The following TET1 variants were observed in gnomAD, a reference collection of about 807,000 sequenced individuals.
TET1 encodes methylcytosine dioxygenase TET1.
In TET1, 13 loss-of-function variants were observed where a neutral mutation model predicts 148.7. The observed-to-expected ratio is 0.09, with a 90% confidence interval of 0.06 to 0.14. TET1 has a LOEUF of 0.14. Ranked by LOEUF, TET1 falls within the 10% of genes least tolerant of loss-of-function variation. The pLI, the probability that TET1 is intolerant of heterozygous loss-of-function variation, is 1.00. For synonymous variants in TET1, 907 were observed against 937.2 expected (o/e 0.97, Z 0.59); for missense variants, 2,182 against 2,553.8 (o/e 0.85, Z 3.14).
chr10:68,646,431 A>G lies in TET1; in HGVS notation c.3702A>G (p.Thr1234=). 2 of 1,614,226 alleles carry G rather than the reference A, an allele frequency of 1.2e-6. No individual in the cohort carries two copies. Among genetic ancestry groups the G allele is most frequent in the Non-Finnish European group, 1.7e-6 (2 of 1,180,050 alleles). Reference sequence around the variant, plus strand: ...CGAGGTCCATTATGCAACCCAAAACAGTATTTCCACCACTCACTCAGATAA... The same window carrying G: ...CGAGGTCCATTATGCAACCCAAAACGGTATTTCCACCACTCACTCAGATAA... ...AQTRSIMQPK[T]VFPPLTQIKL... is the part of the protein sequence containing the mutation. Residue 1234 remains threonine, a synonymous_variant, in exon 4 of 12, where the codon ACA becomes ACG. Transcript: ENST00000373644.
At chr10:68,663,412 A>G (rs2055150170) in intron 6 of TET1, among the ~76,000 whole-genome samples, 1 of 152,154 alleles carries the variant, frequency 6.6e-6, no homozygotes, top group South Asian at 2.1e-4. Flanking sequence ...CCAAACTTCT[A>G]TCTGGTTATT....
At chr10:68,588,628 T>G (rs1232532863) in intron 2 of TET1, among the ~76,000 whole-genome samples, 2 of 152,158 alleles carry the variant, frequency 1.3e-5, no homozygotes, top group Non-Finnish European at 2.9e-5. Flanking sequence ...ACTTGTTAAA[T>G]TTGGAGAGAT....
chr10:68,566,576 A>G lies in TET1; in HGVS notation c.-122-5641A>G, dbSNP rs182913942. 1.6e-3 allele frequency among the ~76,000 whole-genome samples: 240 copies of G among 151,934 alleles called. 1 individual carries two copies. Among genetic ancestry groups the G allele is most frequent in the African/African-American group, 5.5e-3 (227 of 41,438 alleles). ...ATTCTCTGGCCTAGTGTTTGTATTTAGTACAGATTTATCAAAATGTTATTT... is the reference window on the plus strand; with the variant it reads ...ATTCTCTGGCCTAGTGTTTGTATTTGGTACAGATTTATCAAAATGTTATTT... On this transcript the variant is annotated intron_variant, in intron 1 of 11. Coordinates refer to ENST00000373644, the MANE Select transcript of TET1 (RefSeq NM_030625.3).
chr10:68,565,999 C>G (rs1330720616), intron 1 of TET1, among the ~76,000 whole-genome samples: 1 of 152,126 alleles, frequency 6.6e-6, no homozygotes. Context: ...ATTTCCTTGA[C>G]AGGCTGTTTT....
At chr10:68,567,955 C>T (rs1277939084) in intron 1 of TET1, among the ~76,000 whole-genome samples, 5 of 151,192 alleles carry the variant, frequency 3.3e-5, no homozygotes, top group Non-Finnish European at 5.9e-5. Context: ...CTTGGCTCAC[C>T]GCAACTTCTG....
At chr10:68,620,658 G>A (rs757460077) in intron 3 of TET1, among the ~76,000 whole-genome samples, 22 of 152,062 alleles carry the variant, frequency 1.4e-4, no homozygotes, top group Non-Finnish European at 2.6e-4. Context: ...TTTTTGTGTG[G>A]ACATGTTTTC....
At chr10:68,628,541 A>G (rs2133013639) in intron 3 of TET1, among the ~76,000 whole-genome samples, 1 of 152,360 alleles carries the variant, frequency 6.6e-6, no homozygotes, top group South Asian at 2.1e-4. Flanking sequence ...TAGCATTGCA[A>G]TCAAATCAGT....
intron 1 of TET1, among the ~76,000 whole-genome samples, chr10:68,566,048 T>G (rs2053604575): frequency 6.6e-6 from 1 of 152,236 alleles, no homozygotes; most frequent in Non-Finnish European, 1.5e-5. Context: ...TTATCTTAAT[T>G]ACAAGTCTGA....
At chr10:68,615,804 C>T (rs888540691) in intron 3 of TET1, among the ~76,000 whole-genome samples, 2 of 151,842 alleles carry the variant, frequency 1.3e-5, no homozygotes, top group Non-Finnish European at 2.9e-5. Context: ...ACTACGCCTA[C>T]GCCCGGCTAA....
intron 2 of TET1, among the ~76,000 whole-genome samples, chr10:68,591,985 T>G (rs1159938758): frequency 1.3e-5 from 2 of 152,094 alleles, no homozygotes; most frequent in African/African-American, 2.4e-5. Context: ...TTTCTCTGAT[T>G]AGGAGACTTA....
chr10:68,672,807 T>C (rs2055293884), intron 7 of TET1, 88 bp from the exon 8 acceptor site: 2 of 1,131,288 alleles, frequency 1.8e-6, no homozygotes, highest in African/African-American at 3.1e-5. Flanking sequence ...TAGGCATCCA[T>C]CCTTCTAAAG....
At position 68,655,651 on chromosome 10, in the gene TET1, G is replaced by C. The variant is rs530344796; in HGVS notation, c.4461+3057G>C. ...GTGATATAAAGAATTGTAGTGTATA[G>C]TTTTTTTGTTTTTGTTTTTGTTTTC... On this transcript the variant is annotated intron_variant, in intron 6 of 11. Transcript: ENST00000373644. Among the ~76,000 whole-genome samples the C allele has an allele frequency of 5.3e-5, 8 of 152,214 alleles. 1 individual carries two copies. The South Asian group carries it at 1.7e-3, about 32-fold the overall frequency.
At chr10:68,638,502 G>A (rs1393960366) in intron 3 of TET1, among the ~76,000 whole-genome samples, 2 of 152,128 alleles carry the variant, frequency 1.3e-5, no homozygotes, top group African/African-American at 4.8e-5. Flanking sequence ...CAAATGGTAT[G>A]TCCGTGGTAT....
chr10:68,613,391 G>A (rs2054245098), intron 3 of TET1, among the ~76,000 whole-genome samples: 1 of 152,184 alleles, frequency 6.6e-6, no homozygotes, highest in Non-Finnish European at 1.5e-5. Context: ...GTTTCAGGTA[G>A]GTTGTCCAAT....
chr10:68,683,410 C>T (rs1173721128), intron 10 of TET1, among the ~76,000 whole-genome samples: 6 of 152,136 alleles, frequency 3.9e-5, no homozygotes, highest in Non-Finnish European at 1.5e-5. Flanking sequence ...TCCCAAGTAG[C>T]TGGGGCTACA....
chr10:68,616,550 T>C (rs1347620616), intron 3 of TET1, among the ~76,000 whole-genome samples: 1 of 152,142 alleles, frequency 6.6e-6, no homozygotes, highest in Non-Finnish European at 1.5e-5. Flanking sequence ...AATTTTTTTT[T>C]TTAATGAGAC....
chr10:68,661,131 G>T, intron 6 of TET1, among the ~76,000 whole-genome samples: 1 of 149,882 alleles, frequency 6.7e-6, no homozygotes, highest in Non-Finnish European at 1.5e-5. Context: ...CCGGGTTCAC[G>T]CCATTCTCCT....
intron 11 of TET1, 134 bp from the exon 12 acceptor site, chr10:68,690,674 G>A (rs2055577760): frequency 2.5e-6 from 2 of 809,692 alleles, no homozygotes; most frequent in Non-Finnish European, 3.7e-6. Flanking sequence ...GAAATGAACA[G>A]AACAAAACCA....
chr10:68,560,935 CT>C (rs996731936), intron 1 of TET1, among the ~76,000 whole-genome samples, 193 bp downstream of exon 1: 1 of 152,178 alleles, frequency 6.6e-6, no homozygotes, highest in East Asian at 1.9e-4. Context: ...GCTCGGGACG[CT>C]TTTGTTGCCG....
Sources: gnomAD v4.1 joint callset for allele counts (sites outside exome capture counted in the v4.1 genomes callset) on GRCh38, gnomAD v4.1.1 for gene constraint, MANE v1.5 for transcripts, NCBI Gene and HGNC (gene_info 2026-07-23, HGNC 2026-07-21) for gene names.